Variants in DDAH1 observed in about 807,000 individuals in gnomAD.
DDAH1 encodes dimethylarginine dimethylaminohydrolase 1.
Under a neutral mutation model 28.8 loss-of-function variants are expected in DDAH1, and 19 were observed. That is an observed-to-expected ratio of 0.66 (90% CI 0.46 to 0.97). The LOEUF is 0.97. Among genes scored for constraint, DDAH1 ranks in the 50% least tolerant of loss-of-function variants. The pLI is 0.00. For synonymous variants in DDAH1, 153 were observed against 154.4 expected, an observed-to-expected ratio of 0.99 and a Z score of 0.07; for missense variants, 326 against 375.9, an observed-to-expected ratio of 0.87 and a Z score of 1.10.
intron 1 of DDAH1, among the ~76,000 whole-genome samples, chr1:85,370,116 T>G (rs1650302192): frequency 6.6e-6 from 1 of 152,150 alleles, no homozygotes; most frequent in Admixed American, 6.5e-5. Flanking sequence ...TTTAGAGAGA[T>G]AATCAGGTTA....
At chr1:85,571,973 C>T (rs569920092) in intron 1 of DDAH1, among the ~76,000 whole-genome samples, 1 of 152,084 alleles carries the variant, frequency 6.6e-6, no homozygotes, top group African/African-American at 2.4e-5. Flanking sequence ...ATGCAGGGTG[C>T]GCTTGGCAGG....
chr1:85,458,024 C>T (rs1654973491), intron 1 of DDAH1, among the ~76,000 whole-genome samples: 1 of 152,268 alleles, frequency 6.6e-6, no homozygotes, highest in East Asian at 1.9e-4. Flanking sequence ...GGTTTACTTA[C>T]ACATATTCAA....
At chr1:85,515,221 C>T (rs2100755498) in intron 1 of DDAH1, among the ~76,000 whole-genome samples, 2 of 150,486 alleles carry the variant, frequency 1.3e-5, no homozygotes, top group African/African-American at 4.9e-5. Flanking sequence ...GAAACCTTGT[C>T]TCTTAAAAAA....
chr1:85,423,369 T>C (rs1343930768), intron 1 of DDAH1, among the ~76,000 whole-genome samples: 2 of 152,194 alleles, frequency 1.3e-5, no homozygotes, highest in Non-Finnish European at 2.9e-5. Flanking sequence ...ATAATTAACA[T>C]CTTAACAATT....
chr1:85,410,086 G>T (rs1652578926), intron 1 of DDAH1, among the ~76,000 whole-genome samples: 1 of 151,790 alleles, frequency 6.6e-6, no homozygotes, highest in African/African-American at 2.4e-5. Context: ...TTCAAGACCA[G>T]CCTGGGCAAC....
chr1:85,529,893 G>T (rs1658024431), intron 1 of DDAH1, among the ~76,000 whole-genome samples: 1 of 146,002 alleles, frequency 6.8e-6, no homozygotes, highest in Admixed American at 7.0e-5. Context: ...CTTACACCTT[G>T]CCCAGTGTGA....
chr1:85,464,467 C>T lies in DDAH1; in HGVS notation c.303+276G>A. 1.3e-6 allele frequency: 2 copies of T among 1,510,716 alleles called. No homozygotes were observed. Among genetic ancestry groups the T allele is most frequent in the Non-Finnish European group, 1.8e-6 (2 of 1,130,012 alleles). The allele number at this position is 1,510,716 out of a possible 1,614,324, so 93.6% of individuals were successfully genotyped here. A position where few individuals can be genotyped will look rare whatever the true frequency, so the allele number is the denominator to read the frequency against. ...GTTTAATTTTCACAAATAAAAATGC[C>T]CGTGAGACGGAATCCCCCGCCCACC... On this transcript the variant is annotated intron_variant, in intron 1 of 5. Transcript: ENST00000284031. The surrounding 1 kb of genome is among the most constrained non-coding windows in gnomAD (Gnocchi z 4.4).
intron 1 of DDAH1, among the ~76,000 whole-genome samples, chr1:85,457,778 C>G (rs1310746102): frequency 6.6e-6 from 1 of 152,230 alleles, no homozygotes; most frequent in Non-Finnish European, 1.5e-5. Flanking sequence ...CAACCTCTGC[C>G]TTCTCGTTTC....
At chr1:85,449,180 G>A (rs1341838001) in intron 1 of DDAH1, among the ~76,000 whole-genome samples, 1 of 152,188 alleles carries the variant, frequency 6.6e-6, no homozygotes. Flanking sequence ...CTGGCATCAG[G>A]GGCCCCCACA....
rs374982718 is a variant in DDAH1 at position 85,479,375 on chromosome 1, G to T, written c.-7+16791C>A. On this transcript the variant is annotated intron_variant, in intron 2 of 6. Transcript: ENST00000426972. ...TTTTTAGTAGAGACGGGGTTTCACCGTGTTAGCCAGGATGGTCTCGATCTC... is the reference window on the plus strand; with the variant it reads ...TTTTTAGTAGAGACGGGGTTTCACCTTGTTAGCCAGGATGGTCTCGATCTC... Among the ~76,000 whole-genome samples the T allele has an allele frequency of 1.9e-3, 286 of 151,160 alleles. 3 individuals carry two copies. Among genetic ancestry groups the T allele is most frequent in the African/African-American group, 6.7e-3 (276 of 41,116 alleles).
intron 1 of DDAH1, among the ~76,000 whole-genome samples, chr1:85,431,631 C>T (rs1313332749): frequency 2.0e-5 from 3 of 151,784 alleles, no homozygotes; most frequent in East Asian, 3.9e-4. Flanking sequence ...GAAAGCTCTA[C>T]GATAGTGTTA....
chr1:85,328,983 C>A (rs764291127), intron 4 of DDAH1, among the ~76,000 whole-genome samples: 2 of 152,194 alleles, frequency 1.3e-5, no homozygotes, highest in Non-Finnish European at 2.9e-5. Flanking sequence ...AAATAAATCA[C>A]CCATGTCTCT....
chr1:85,358,627 T>G (rs1269406022), intron 2 of DDAH1, 121 bp downstream of exon 2: 1 of 726,298 alleles, frequency 1.4e-6, no homozygotes, highest in Non-Finnish European at 2.2e-6. Flanking sequence ...CCGGCCTAGG[T>G]GACAGCGAGA....
intron 1 of DDAH1, among the ~76,000 whole-genome samples, chr1:85,382,655 C>T (rs558766349): frequency 6.6e-6 from 1 of 152,326 alleles, no homozygotes; most frequent in East Asian, 1.9e-4. Flanking sequence ...TAGGACTTCT[C>T]TAGCTGTTAA....
intron 2 of DDAH1, among the ~76,000 whole-genome samples, chr1:85,488,826 T>C (rs17127810): frequency 0.13 from 20,494 of 152,198 alleles, 1,629 homozygotes; most frequent in African/African-American, 0.2. Flanking sequence ...TATATTCTGA[T>C]GACTGGTGAA....
intron 2 of DDAH1, among the ~76,000 whole-genome samples, chr1:85,484,441 T>C (rs12724408): frequency 0.02 from 2,992 of 152,224 alleles, 120 homozygotes; most frequent in East Asian, 0.14. Flanking sequence ...GATGATTCAT[T>C]TGAAATCAGC....
At chr1:85,359,993 A>G (rs1649701014) in intron 1 of DDAH1, among the ~76,000 whole-genome samples, 1 of 152,246 alleles carries the variant, frequency 6.6e-6, no homozygotes, top group East Asian at 1.9e-4. Flanking sequence ...TAGTAAAGAC[A>G]TACAATGAGA....
At chr1:85,471,135 G>T (rs756503773) in intron 2 of DDAH1, among the ~76,000 whole-genome samples, 55 of 152,152 alleles carry the variant, frequency 3.6e-4, no homozygotes, top group Non-Finnish European at 7.5e-4. Context: ...ACAGAGATTG[G>T]GGTATTTATT....
intron 1 of DDAH1, among the ~76,000 whole-genome samples, chr1:85,521,461 G>T (rs1192521929): frequency 2.2e-4 from 33 of 151,936 alleles, no homozygotes; most frequent in African/African-American, 8.0e-4. Context: ...AACTCATGCT[G>T]TCTTTAATGG....
Sources: gnomAD v4.1 joint callset for allele counts (sites outside exome capture counted in the v4.1 genomes callset) on GRCh38, gnomAD v4.1.1 for gene constraint, Gnocchi (gnomAD v3.1) non-coding constraint, MANE v1.5 for transcripts, NCBI Gene and HGNC (gene_info 2026-07-23, HGNC 2026-07-21) for gene names.